The following PATJ variants were observed in gnomAD, a reference collection of about 807,000 sequenced individuals.
PATJ encodes the protein PATJ crumbs cell polarity complex component.
In PATJ, 190 loss-of-function variants were observed where a neutral mutation model predicts 224.9. The observed-to-expected ratio is 0.84, with a 90% CI of 0.75 to 0.95. The LOEUF is 0.95. PATJ is among the 40% of genes least tolerant of loss of function. The pLI, the probability that PATJ is intolerant of heterozygous loss-of-function variation, is 0.00. For synonymous variants in PATJ, 769 were observed against 820.3 expected (o/e 0.94, Z 1.07); for missense variants, 2,121 against 2,270.3 (o/e 0.93, Z 1.34).
intron 38 of PATJ, among the ~76,000 whole-genome samples, chr1:62,121,697 G>A (rs1665071635): frequency 2.0e-5 from 3 of 151,806 alleles, no homozygotes; most frequent in African/African-American, 4.8e-5. Context: ...TGAAACTGGC[G>A]GGGGTGGTGG....
intron 33 of PATJ, among the ~76,000 whole-genome samples, chr1:62,097,561 G>C (rs1316199617): frequency 6.6e-6 from 1 of 152,126 alleles, no homozygotes; most frequent in Non-Finnish European, 1.5e-5. Flanking sequence ...AGCCATTCTA[G>C]CTGAGGCCCC....
intron 1 of PATJ, among the ~76,000 whole-genome samples, chr1:61,747,424 A>G (rs1430980881): frequency 6.6e-6 from 1 of 152,168 alleles, no homozygotes; most frequent in Non-Finnish European, 1.5e-5. Flanking sequence ...ACGCTTGACA[A>G]GTCATTTAAT....
chr1:61,779,533 A>G (rs1334006299), intron 7 of PATJ, among the ~76,000 whole-genome samples: 1 of 152,204 alleles, frequency 6.6e-6, no homozygotes, highest in Non-Finnish European at 1.5e-5. Context: ...TTGCAGCAAC[A>G]TCTAGATTAG....
intron 3 of PATJ, among the ~76,000 whole-genome samples, chr1:61,765,883 A>G (rs1467652234): frequency 1.3e-5 from 2 of 152,204 alleles, no homozygotes; most frequent in Admixed American, 1.3e-4. Context: ...AAGTACAGTT[A>G]TTATCATTAT....
chr1:61,760,619 C>CTTTTTTTTTTTTTTTTTTTTTCTTTTTT (rs200693394), intron 1 of PATJ, among the ~76,000 whole-genome samples: 1 of 135,486 alleles, frequency 7.4e-6, no homozygotes, highest in African/African-American at 2.7e-5. Flanking sequence ...TTTTCTTTTT[C>CTTTTTTTTTTTTTTTTTTTTTCTTTTTT]TTTTTTTTTT....
chr1:62,059,595 T>A (rs143147564), intron 31 of PATJ, among the ~76,000 whole-genome samples: 3,729 of 151,806 alleles, frequency 0.025, 150 homozygotes, highest in African/African-American at 0.085. Context: ...CCAGCCTGGG[T>A]GAGAGAGCGA....
At chr1:62,144,947 G>C (rs892583957) in intron 41 of PATJ, among the ~76,000 whole-genome samples, 2 of 151,718 alleles carry the variant, frequency 1.3e-5, no homozygotes, top group African/African-American at 4.8e-5. Flanking sequence ...CAAGTAGCTG[G>C]GACTCCAGGC....
At chr1:61,939,122 CAAAAAAAAAAAAAA>C (rs560139042) in intron 27 of PATJ, among the ~76,000 whole-genome samples, 1 of 57,486 alleles carries the variant, frequency 1.7e-5, no homozygotes, top group Admixed American at 3.0e-4. Flanking sequence ...GACTCCATCT[CAAAAAAAAAAAAAA>C]AAAAAAAAAA....
chr1:61,970,313 C>G (rs1053039700), intron 27 of PATJ, among the ~76,000 whole-genome samples: 1 of 151,700 alleles, frequency 6.6e-6, no homozygotes, highest in Non-Finnish European at 1.5e-5. Flanking sequence ...ACACGGGCAA[C>G]CTCTCCCACT....
chr1:61,826,910 A>C (rs1297360286), intron 15 of PATJ, among the ~76,000 whole-genome samples: 5 of 152,242 alleles, frequency 3.3e-5, no homozygotes, highest in African/African-American at 4.8e-5. Context: ...AAATTTTGAC[A>C]GCCAAGTATT....
intron 27 of PATJ, among the ~76,000 whole-genome samples, chr1:61,965,141 A>C (rs1681933734): frequency 9.9e-6 from 1 of 100,978 alleles, no homozygotes; most frequent in African/African-American, 2.8e-5. Flanking sequence ...AAAAAAAAAA[A>C]AAAAAAAAAA....
At chr1:61,788,106 ACTT>A in intron 8 of PATJ, 134 bp downstream of exon 8, 2 of 650,380 alleles carry the variant, frequency 3.1e-6, no homozygotes, top group Non-Finnish European at 5.1e-6. Context: ...GAAAAAAAAA[ACTT>A]ATTGGGAGAC....
intron 42 of PATJ, 30 bp from the exon 43 acceptor site, chr1:62,153,328 C>G: frequency 8.2e-7 from 1 of 1,225,190 alleles, no homozygotes; most frequent in Non-Finnish European, 1.0e-6. Context: ...TATCTATTCT[C>G]GAATTAAACA....
At chr1:62,042,790 G>A (rs1179658075) in intron 30 of PATJ, among the ~76,000 whole-genome samples, 9 of 152,092 alleles carry the variant, frequency 5.9e-5, no homozygotes. Context: ...GGGACTATAG[G>A]CACGTACCAT....
intron 15 of PATJ, among the ~76,000 whole-genome samples, chr1:61,824,107 G>A (rs1657779170): frequency 6.6e-6 from 1 of 152,082 alleles, no homozygotes; most frequent in Non-Finnish European, 1.5e-5. Flanking sequence ...CCATATCTTT[G>A]TGGATATCAT....
chr1:61,836,690 A>G (rs942016382), intron 17 of PATJ, among the ~76,000 whole-genome samples: 5 of 151,914 alleles, frequency 3.3e-5, no homozygotes, highest in Non-Finnish European at 7.3e-5. Context: ...CGGTTATACC[A>G]TCCCTTGTTG....
intron 34 of PATJ, among the ~76,000 whole-genome samples, chr1:62,112,671 G>A (rs1449035700): frequency 1.3e-5 from 2 of 152,196 alleles, no homozygotes; most frequent in Non-Finnish European, 2.9e-5. Context: ...TGCCTGGTGG[G>A]CTGGACTTAT....
intron 17 of PATJ, among the ~76,000 whole-genome samples, chr1:61,835,269 G>A (rs1256647470): frequency 6.6e-6 from 1 of 152,104 alleles, no homozygotes; most frequent in Non-Finnish European, 1.5e-5. Context: ...TAAAACAAAT[G>A]GCAGGGACTC....
At chr1:61,859,706 G>T (rs1214827955) in intron 18 of PATJ, among the ~76,000 whole-genome samples, 1 of 152,004 alleles carries the variant, frequency 6.6e-6, no homozygotes, top group Non-Finnish European at 1.5e-5. Context: ...CGCAACCTCC[G>T]CCTCCTGGGT....
Sources: allele counts gnomAD v4.1 joint callset (sites outside exome capture counted in the v4.1 genomes callset), GRCh38; gene constraint gnomAD v4.1.1; transcripts MANE v1.5; gene names NCBI Gene and HGNC (gene_info 2026-07-23, HGNC 2026-07-21).